Variants in BABAM2 observed in about 807,000 individuals in gnomAD.
The protein encoded by BABAM2 is BRISC and BRCA1-A complex member 2.
BABAM2 carries 31 observed loss-of-function variants against 54.7 expected under a neutral mutation model. The observed-to-expected ratio is 0.57, with a 90% CI of 0.43 to 0.77. The LOEUF is 0.77. Among genes scored for constraint, BABAM2 ranks in the 30% least tolerant of loss-of-function variants. The pLI is 0.00. For missense variants in BABAM2, 364 were observed against 455.8 expected, an observed-to-expected ratio of 0.80 and a Z score of 1.83; for synonymous variants, 167 against 162.9, an observed-to-expected ratio of 1.03 and a Z score of -0.19.
At chr2:28,213,960 A>AAC (rs376595787) in intron 7 of BABAM2, among the ~76,000 whole-genome samples, 1 of 151,432 alleles carries the variant, frequency 6.6e-6, no homozygotes, top group Non-Finnish European at 1.5e-5. Context: ...AAAAAAAAAA[A>AAC]CAGCACTTTT....
At chr2:28,156,056 T>C (rs929405082) in intron 7 of BABAM2, among the ~76,000 whole-genome samples, 3 of 152,236 alleles carry the variant, frequency 2.0e-5, no homozygotes, top group African/African-American at 7.2e-5. Context: ...TTAGTAATGC[T>C]TCTTTTTCCA....
Position 28,127,810 on chromosome 2 carries a change from T to TC in BABAM2, c.571-1461_571-1460insC, listed in dbSNP as rs1373567953. On this transcript the variant is annotated intron_variant, in intron 6 of 11. Transcript: ENST00000379624. ...TGTCAAGCTCATGAGTAGTGAGTCTTTTTTTTTTTTTTTTGAGGTGGAGTC... is the reference window on the plus strand; with the variant it reads ...TGTCAAGCTCATGAGTAGTGAGTCTTCTTTTTTTTTTTTTTGAGGTGGAGTC... Among the ~76,000 whole-genome samples the TC allele has an allele frequency of 4.5e-3, 653 of 144,832 alleles. 3 individuals are homozygous for TC. The highest frequency in any genetic ancestry group is 0.016 in the African/African-American group (627 of 39,268).
At position 28,112,147 on chromosome 2, in the gene BABAM2, T is replaced by TTCTTTCTTTCTTTCTTTCCTTCCTTCCC. The variant is rs1558346715; in HGVS notation, c.571-17123_571-17122insCTTTCTTTCTTTCTTTCCTTCCTTCCCT. Among the ~76,000 whole-genome samples the TTCTTTCTTTCTTTCTTTCCTTCCTTCCC allele has an allele frequency of 3.0e-3, 16 of 5,248 alleles. 4 individuals carry two copies. The highest frequency in any genetic ancestry group is 4.4e-3 in the Non-Finnish European group (14 of 3,156). The allele number at this position is 5,248 out of a possible 152,430, so 3.4% of individuals were successfully genotyped here. ...TTTCTTTCTTTCTTTCTTTCTTTCT[T>TTCTTTCTTTCTTTCTTTCCTTCCTTCCC]TACCTCCCTCCCTCCCTCCCTCCCT... On this transcript the variant is annotated intron_variant, in intron 6 of 11. Coordinates refer to ENST00000379624, the MANE Select transcript of BABAM2 (RefSeq NM_199191.3).
Position 27,964,684 on chromosome 2 carries a change from G to A in BABAM2, c.206-23309G>A, listed in dbSNP as rs80039785. Among the ~76,000 whole-genome samples, 25 of 152,322 alleles carry A rather than the reference G, an allele frequency of 1.6e-4. No homozygotes were observed. The East Asian group carries it at 4.8e-3, about 29-fold the overall frequency. Reference sequence around the variant, plus strand: ...GACACATTACACACTGCTTGAAGAAGCTAAGAGTGCTGGTTTTTAAAGATA... The same window carrying A: ...GACACATTACACACTGCTTGAAGAAACTAAGAGTGCTGGTTTTTAAAGATA... On this transcript the variant is annotated intron_variant, in intron 3 of 11. Transcript: ENST00000379624.
chr2:28,334,897 C>T (rs1018775590), intron 11 of BABAM2, among the ~76,000 whole-genome samples: 1 of 152,114 alleles, frequency 6.6e-6, no homozygotes, highest in African/African-American at 2.4e-5. Flanking sequence ...CACCACAGCA[C>T]CCCTTTTGCA....
At chr2:28,189,775 C>T (rs188611844) in intron 7 of BABAM2, among the ~76,000 whole-genome samples, 1 of 151,002 alleles carries the variant, frequency 6.6e-6, no homozygotes, top group African/African-American at 2.4e-5. Context: ...TAGGGATTGA[C>T]AAGCCGATTC....
intron 7 of BABAM2, among the ~76,000 whole-genome samples, chr2:28,155,692 T>C (rs60751755): frequency 0.49 from 73,860 of 151,946 alleles, 18,358 homozygotes; most frequent in Middle Eastern, 0.6. Flanking sequence ...CTGGAGATAA[T>C]GAGCTATAAA....
At chr2:28,098,022 C>G (rs1163344492) in intron 6 of BABAM2, among the ~76,000 whole-genome samples, 1 of 152,214 alleles carries the variant, frequency 6.6e-6, no homozygotes, top group African/African-American at 2.4e-5. Context: ...TTTGAAACCA[C>G]TATCATAACT....
chr2:27,982,600 T>TA (rs1672087690), intron 3 of BABAM2, among the ~76,000 whole-genome samples: 1 of 151,964 alleles, frequency 6.6e-6, no homozygotes, highest in African/African-American at 2.4e-5. Context: ...AAAAGATGCT[T>TA]AAAAAACCCA....
chr2:27,939,820 A>G (rs1308936366), intron 3 of BABAM2, among the ~76,000 whole-genome samples: 1 of 152,234 alleles, frequency 6.6e-6, no homozygotes, highest in Non-Finnish European at 1.5e-5. Context: ...GTTAATGAGA[A>G]TGAGAATGAG....
chr2:28,291,542 C>T (rs186325682), intron 10 of BABAM2, among the ~76,000 whole-genome samples: 6 of 150,688 alleles, frequency 4.0e-5, no homozygotes, highest in Non-Finnish European at 5.9e-5. Flanking sequence ...TGCGGTGAGC[C>T]GAGATCACAC....
At chr2:27,911,305 T>C (rs1481114095) in intron 2 of BABAM2, among the ~76,000 whole-genome samples, 2 of 152,166 alleles carry the variant, frequency 1.3e-5, no homozygotes, top group Non-Finnish European at 2.9e-5. Flanking sequence ...ATGTATAATA[T>C]GTATACATGT....
chr2:27,952,954 G>T (rs946772976), intron 3 of BABAM2, among the ~76,000 whole-genome samples: 3 of 152,092 alleles, frequency 2.0e-5, no homozygotes, highest in Admixed American at 2.0e-4. Flanking sequence ...ATTAACTTTT[G>T]ATTCTTTAGC....
intron 7 of BABAM2, among the ~76,000 whole-genome samples, chr2:28,136,636 C>A (rs998054686): frequency 6.6e-6 from 1 of 152,210 alleles, no homozygotes; most frequent in Non-Finnish European, 1.5e-5. Context: ...TTCATAAGAG[C>A]GGTTTATCAA....
chr2:27,936,108 CG>C (rs1389315150), intron 3 of BABAM2, among the ~76,000 whole-genome samples: 1 of 151,930 alleles, frequency 6.6e-6, no homozygotes, highest in Non-Finnish European at 1.5e-5. Flanking sequence ...TTAGTAGAGA[CG>C]GGGCTTCACC....
At chr2:28,053,124 A>G (rs1459591944) in intron 6 of BABAM2, among the ~76,000 whole-genome samples, 2 of 152,228 alleles carry the variant, frequency 1.3e-5, no homozygotes, top group Non-Finnish European at 2.9e-5. Flanking sequence ...CATGTAAGAT[A>G]GAAACATTGA....
At chr2:28,311,932 C>T (rs762612816) in intron 11 of BABAM2, among the ~76,000 whole-genome samples, 2 of 152,158 alleles carry the variant, frequency 1.3e-5, no homozygotes, top group African/African-American at 4.8e-5. Flanking sequence ...CACACATATG[C>T]CCTGAACACA....
At position 28,338,625 on chromosome 2, in the gene BABAM2, C is replaced by A; in HGVS notation, c.*112C>A. On this transcript the variant is annotated 3_prime_UTR_variant, in exon 12 of 12. Transcript: ENST00000379624. ...AATGTCTTCACGGCAGCGTTTTGCT[C>A]ACACAGCAGCTTTTGCACGCCCCAG... is the stretch of plus-strand genomic sequence containing the variant. 7.6e-7 allele frequency: 1 copy of A among 1,320,572 alleles called. No individual in the cohort carries two copies. The highest frequency in any genetic ancestry group is 1.1e-6 in the Non-Finnish European group (1 of 924,828). The allele number at this position is 1,320,572 out of a possible 1,614,324, so 81.8% of individuals were successfully genotyped here. A position where few individuals can be genotyped will look rare whatever the true frequency, so the allele number is the denominator to read the frequency against.
chr2:28,043,398 G>A (rs1677288866), intron 5 of BABAM2, among the ~76,000 whole-genome samples: 1 of 152,090 alleles, frequency 6.6e-6, no homozygotes, highest in Non-Finnish European at 1.5e-5. Context: ...CAAAGTGCTG[G>A]TATTACAGGC....
Sources: allele counts gnomAD v4.1 joint callset (sites outside exome capture counted in the v4.1 genomes callset), GRCh38; gene constraint gnomAD v4.1.1; transcripts MANE v1.5; gene names NCBI Gene and HGNC (gene_info 2026-07-23, HGNC 2026-07-21).